TMEM150C: variants seen among roughly 807,000 people sequenced by gnomAD.
TMEM150C encodes the protein tentonin 3.
In TMEM150C, 10 loss-of-function variants were observed where a neutral mutation model predicts 29.9. That is an observed-to-expected ratio of 0.33 (90% CI 0.21 to 0.57). TMEM150C has a LOEUF of 0.57. Ranked by LOEUF, TMEM150C falls within the 20% of genes least tolerant of loss-of-function variation. The probability of loss-of-function intolerance (pLI) is 0.88; values close to 1 mark genes in which losing one functional copy is unlikely to be tolerated. For missense variants in TMEM150C, 251 were observed against 303.6 expected, an observed-to-expected ratio of 0.83 and a Z score of 1.29; for synonymous variants, 101 against 112.5, an observed-to-expected ratio of 0.90 and a Z score of 0.64.
Position 82,539,484 on chromosome 4 carries a change from G to A in TMEM150C, c.-11+22422C>T, listed in dbSNP as rs1015780294. ...CTTTTTTTTTTTGAGACAGAGTCTCGCTCTGTCGCCCAGGCTGGAGTGCAG... is the reference window on the plus strand; with the variant it reads ...CTTTTTTTTTTTGAGACAGAGTCTCACTCTGTCGCCCAGGCTGGAGTGCAG... On this transcript the variant is annotated intron_variant, in intron 1 of 7. Coordinates refer to ENST00000449862, the MANE Select transcript of TMEM150C (RefSeq NM_001080506.3). Among the ~76,000 whole-genome samples the A allele has an allele frequency of 4.8e-4, 72 of 148,948 alleles. 1 individual carries two copies. The highest frequency in any genetic ancestry group is 1.7e-3 in the African/African-American group (68 of 39,628).
chr4:82,507,850 C>T (rs546633020), intron 1 of TMEM150C, among the ~76,000 whole-genome samples: 4 of 148,270 alleles, frequency 2.7e-5, no homozygotes, highest in Non-Finnish European at 4.5e-5. Flanking sequence ...TGGGCTCAAG[C>T]GATCCTCCCA....
At position 82,498,251 on chromosome 4, in the gene TMEM150C, G is replaced by A. The variant is rs148706909; in HGVS notation, c.236-2056C>T. Among the ~76,000 whole-genome samples the A allele has an allele frequency of 4.0e-3, 605 of 152,026 alleles. 2 individuals are homozygous for A. The highest frequency in any genetic ancestry group is 7.1e-3 in the Non-Finnish European group (486 of 67,986). On this transcript the variant is annotated intron_variant, in intron 5 of 7. Transcript: ENST00000449862. ...GCTGGTCTTGAACTCCTGACCTCAG[G>A]TGATCTGCCCACCTCAGCCTCCCAA...
chr4:82,497,292 ATAAT>A (rs1723587914), intron 5 of TMEM150C, among the ~76,000 whole-genome samples: 1 of 152,204 alleles, frequency 6.6e-6, no homozygotes, highest in African/African-American at 2.4e-5. Context: ...TACTACTAAG[ATAAT>A]TTATTTTGAC....
chr4:82,499,795 T>C (rs1034349529), intron 5 of TMEM150C, among the ~76,000 whole-genome samples: 1 of 149,722 alleles, frequency 6.7e-6, no homozygotes, highest in African/African-American at 2.5e-5. Flanking sequence ...AAATTCTGAG[T>C]CTGACTGGGT....
intron 1 of TMEM150C, among the ~76,000 whole-genome samples, chr4:82,556,087 T>G (rs532792091): frequency 1.3e-5 from 2 of 151,996 alleles, no homozygotes; most frequent in African/African-American, 2.4e-5. Flanking sequence ...GTTTTTCTAG[T>G]GTTGTTTTTT....
intron 1 of TMEM150C, among the ~76,000 whole-genome samples, chr4:82,560,139 T>C (rs968868602): frequency 6.6e-6 from 1 of 151,982 alleles, no homozygotes; most frequent in African/African-American, 2.4e-5. Flanking sequence ...AATTACTCCA[T>C]AGAGCAAATT....
At position 82,537,446 on chromosome 4, in the gene TMEM150C, T is replaced by G. The variant is rs565431050; in HGVS notation, c.-11+24460A>C. ...TTGATGATAAATGAGCAGGTCCTTT[T>G]ACACCCTTTGGAAAACAACTGGGTG... On this transcript the variant is annotated intron_variant, in intron 1 of 7. Transcript: ENST00000449862. Among the ~76,000 whole-genome samples the G allele has an allele frequency of 5.9e-5, 9 of 152,352 alleles. No homozygotes were observed. In the East Asian group the frequency reaches 1.5e-3, roughly 26 times the overall value.
intron 1 of TMEM150C, among the ~76,000 whole-genome samples, chr4:82,554,225 T>C (rs895823221): frequency 6.6e-6 from 1 of 152,232 alleles, no homozygotes; most frequent in Non-Finnish European, 1.5e-5. Flanking sequence ...AGTGTTTCTA[T>C]ATAAATATAC....
chr4:82,503,658 G>A (rs1723806995), intron 2 of TMEM150C, among the ~76,000 whole-genome samples: 1 of 152,036 alleles, frequency 6.6e-6, no homozygotes, highest in Non-Finnish European at 1.5e-5. Context: ...AGACCATCCT[G>A]GCTAACATGG....
At chr4:82,504,703 A>G in intron 1 of TMEM150C, 36 bp from the exon 2 acceptor site, 1 of 1,541,480 alleles carries the variant, frequency 6.5e-7, no homozygotes, top group Non-Finnish European at 8.9e-7. Context: ...TAATTAAGGC[A>G]AAACATTTAC....
intron 5 of TMEM150C, among the ~76,000 whole-genome samples, chr4:82,501,023 A>G (rs1723720861): frequency 6.6e-6 from 1 of 152,266 alleles, no homozygotes; most frequent in South Asian, 2.1e-4. Flanking sequence ...CCTACGTGCT[A>G]TAATGGCAGA....
intron 1 of TMEM150C, among the ~76,000 whole-genome samples, chr4:82,511,887 T>A (rs1273379012): frequency 6.6e-6 from 1 of 152,210 alleles, no homozygotes; most frequent in Non-Finnish European, 1.5e-5. Context: ...TTTATATCTT[T>A]AATAATAATA....
chr4:82,534,597 G>A (rs1162735597), intron 1 of TMEM150C, among the ~76,000 whole-genome samples: 1 of 152,126 alleles, frequency 6.6e-6, no homozygotes, highest in African/African-American at 2.4e-5. Context: ...CTCTAAATGG[G>A]GTCCAAGGAT....
chr4:82,486,335 T>TAAAAAAAAAAAAA (rs527967958), intron 7 of TMEM150C, among the ~76,000 whole-genome samples: 23 of 51,302 alleles, frequency 4.5e-4, no homozygotes, highest in African/African-American at 1.8e-3. Flanking sequence ...GACTCCATCT[T>TAAAAAAAAAAAAA]AAAAAAAAAA....
At chr4:82,527,837 G>A (rs769347133) in intron 1 of TMEM150C, among the ~76,000 whole-genome samples, 4 of 152,116 alleles carry the variant, frequency 2.6e-5, no homozygotes, top group Non-Finnish European at 4.4e-5. Flanking sequence ...AGATATAAAC[G>A]GGTTGAAAGC....
At chr4:82,516,643 G>A (rs549389236) in intron 1 of TMEM150C, among the ~76,000 whole-genome samples, 6 of 152,292 alleles carry the variant, frequency 3.9e-5, no homozygotes, top group African/African-American at 1.2e-4. Context: ...CAGTACCACT[G>A]ATGCCCATCC....
At chr4:82,531,853 G>A (rs1052249640) in intron 1 of TMEM150C, among the ~76,000 whole-genome samples, 3 of 151,978 alleles carry the variant, frequency 2.0e-5, no homozygotes, top group Non-Finnish European at 4.4e-5. Flanking sequence ...AAGACAAAGA[G>A]GTGGTCAACA....
chr4:82,516,062 A>T (rs1459593069), intron 1 of TMEM150C, among the ~76,000 whole-genome samples: 4 of 152,156 alleles, frequency 2.6e-5, no homozygotes, highest in Non-Finnish European at 4.4e-5. Flanking sequence ...AAGAGAAACA[A>T]CCAAACATGA....
At chr4:82,548,095 T>C (rs1725444695) in intron 1 of TMEM150C, among the ~76,000 whole-genome samples, 1 of 152,168 alleles carries the variant, frequency 6.6e-6, no homozygotes. Context: ...AGTGAATTAA[T>C]GCAGAAACAG....
Sources: allele counts gnomAD v4.1 joint callset (sites outside exome capture counted in the v4.1 genomes callset), GRCh38; gene constraint gnomAD v4.1.1; transcripts MANE v1.5; gene names NCBI Gene and HGNC (gene_info 2026-07-23, HGNC 2026-07-21).